ITGAE: variants seen among roughly 807,000 people sequenced by gnomAD.
ITGAE encodes the protein integrin subunit alpha E.
In ITGAE, 99 loss-of-function variants were observed where a neutral mutation model predicts 136.5. The ratio of observed to expected loss-of-function variants is 0.73; its 90% CI spans 0.62 to 0.86. The LOEUF is 0.86. ITGAE is among the 40% of genes least tolerant of loss of function. ITGAE has a pLI of 0.00. For missense variants in ITGAE, 1,447 were observed against 1,515.3 expected (o/e 0.95, Z 0.75); for synonymous variants, 613 against 591.8 (o/e 1.04, Z -0.52).
chr17:3,757,741 G>A lies in ITGAE; in HGVS notation c.985C>T (p.Pro329Ser). 6.2e-7 allele frequency: 1 copy of A among 1,614,118 alleles called. No homozygotes were observed. The highest frequency in any genetic ancestry group is 8.5e-7 in the Non-Finnish European group (1 of 1,180,034). The change falls in exon 9 of 31, where the codon CCC (proline) becomes TCC (serine). Residue 329 changes from proline (P) to serine (S), a missense_variant. Pro to Ser is a moderately conservative substitution (Grantham distance 74, BLOSUM62 -1). Around this residue, in one of 3 missense-constraint regions of ITGAE, gnomAD observed 310 missense variants for 416.1 expected, o/e 0.74. Transcript: ENST00000263087. ...PLNLTTVINS[P>S]KMQGVERFAI... ...AAGCGCTCAACACCCTGCATTTTGG[G>A]GGAGTTGATGACTGTCGTAAGGTTG...
At chr17:3,748,574 A>G (rs112727557) in intron 16 of ITGAE, among the ~76,000 whole-genome samples, 3,083 of 152,234 alleles carry the variant, frequency 0.02, 86 homozygotes, top group South Asian at 0.061. Context: ...GTGACAGAGC[A>G]AGACTCCATC....
At chr17:3,780,621 C>T (rs558388761) in intron 1 of ITGAE, among the ~76,000 whole-genome samples, 38 of 151,874 alleles carry the variant, frequency 2.5e-4, no homozygotes, top group African/African-American at 8.7e-4. Context: ...TCAGTAGAGA[C>T]GGAGTTTCTC....
At chr17:3,788,694 A>ATTAAAAATAATAATTAAAATAATTAT (rs2052857878) in intron 1 of ITGAE, among the ~76,000 whole-genome samples, 2 of 60,796 alleles carry the variant, frequency 3.3e-5, no homozygotes, top group Non-Finnish European at 6.2e-5. Flanking sequence ...AAAAGTCTAC[A>ATTAAAAATAATAATTAAAATAATTAT]TTAAAAATAA....
rs73974115 is a variant in ITGAE, at chr17:3,723,086, C to T, written c.3237+202G>A. Among the ~76,000 whole-genome samples the T allele has an allele frequency of 2.8e-3, 424 of 152,286 alleles. 4 individuals are homozygous for T. The highest frequency in any genetic ancestry group is 9.6e-3 in the African/African-American group (399 of 41,542). ...AGGAAAGAGGAGTCACAGGTAATCC[C>T]TCGAGTTCCTTGTACTGTAACTGGA... On this transcript the variant is annotated intron_variant, in intron 28 of 30. Coordinates refer to ENST00000263087, the MANE Select transcript of ITGAE (RefSeq NM_002208.5).
chr17:3,725,155 C>T (rs761869674), intron 26 of ITGAE: 1 of 1,614,186 alleles, frequency 6.2e-7, no homozygotes, highest in South Asian at 1.1e-5. Context: ...AGCATCTATA[C>T]CACTGCCACT....
chr17:3,717,153 C>CT (rs2050958983), intron 29 of ITGAE: 3 of 201,076 alleles, frequency 1.5e-5, no homozygotes, highest in Non-Finnish European at 1.0e-5. Context: ...CTACACTGCT[C>CT]TATGTCCCTG....
chr17:3,751,133 A>G (rs2051854877), intron 15 of ITGAE, among the ~76,000 whole-genome samples: 1 of 151,970 alleles, frequency 6.6e-6, no homozygotes, highest in South Asian at 2.1e-4. Context: ...TAGGGGAAGC[A>G]GGTGCTCTCA....
At chr17:3,765,535 T>G (rs1420563084) in intron 2 of ITGAE, among the ~76,000 whole-genome samples, 1 of 151,982 alleles carries the variant, frequency 6.6e-6, no homozygotes, top group African/African-American at 2.4e-5. Flanking sequence ...TAAGAAAGTC[T>G]GCACCTGTGC....
chr17:3,795,259 T>C (rs1161445484), intron 1 of ITGAE, among the ~76,000 whole-genome samples: 4 of 152,202 alleles, frequency 2.6e-5, no homozygotes, highest in Non-Finnish European at 4.4e-5. Context: ...TGAACTGTGA[T>C]GTGATCTGAG....
In ITGAE at chr17:3,755,175, G is replaced by C. The variant is rs752518999; in HGVS notation, c.1326C>G (p.Phe442Leu). Residue 442 changes from phenylalanine to leucine, a missense_variant, in exon 12 of 31, where the codon TTC (phenylalanine) becomes TTG (leucine). Transcript: ENST00000263087. ...LYDTRSRRGR[F>L]LNQTAAAAAD... ...CCGCCGCCGCCGCTGTCTGGTTCAG[G>C]AAGCGGCCCCGGCGGCTGCGTGTGT... 6.4e-7 allele frequency: 1 copy of C among 1,571,606 alleles called. No individual in the cohort carries two copies. Among genetic ancestry groups the C allele is most frequent in the South Asian group, 1.1e-5 (1 of 88,080 alleles).
intron 29 of ITGAE, among the ~76,000 whole-genome samples, chr17:3,719,128 C>G (rs1440672926): frequency 6.7e-6 from 1 of 149,604 alleles, no homozygotes; most frequent in Admixed American, 6.7e-5. Context: ...CCCAGCTACT[C>G]GGGAGGCTGA....
chr17:3,751,543 G>A (rs1192668521), intron 15 of ITGAE, 107 bp downstream of exon 15: 17 of 1,005,878 alleles, frequency 1.7e-5, no homozygotes, highest in Middle Eastern at 6.3e-4. Context: ...CCCAACCCCC[G>A]AGACCTGCCC....
intron 1 of ITGAE, among the ~76,000 whole-genome samples, chr17:3,780,176 T>C (rs1280316163): frequency 2.7e-5 from 4 of 150,640 alleles, no homozygotes; most frequent in Non-Finnish European, 5.9e-5. Flanking sequence ...TATTTGTTTT[T>C]TTTTTTTTTT....
At chr17:3,734,287 A>G (rs892451017) in intron 21 of ITGAE, among the ~76,000 whole-genome samples, 11 of 151,830 alleles carry the variant, frequency 7.2e-5, no homozygotes, top group African/African-American at 1.9e-4. Context: ...GTTAGCCAGG[A>G]TGGTCTCGAT....
intron 23 of ITGAE, among the ~76,000 whole-genome samples, chr17:3,730,093 A>C (rs2051306103): frequency 1.3e-5 from 2 of 151,860 alleles, no homozygotes; most frequent in Non-Finnish European, 1.5e-5. Flanking sequence ...CCCTGTGTCC[A>C]TGTGCTCTCA....
intron 1 of ITGAE, among the ~76,000 whole-genome samples, chr17:3,779,716 G>A (rs1208844662): frequency 6.6e-6 from 1 of 152,196 alleles, no homozygotes; most frequent in Non-Finnish European, 1.5e-5. Context: ...ACTCAAAAGT[G>A]TTGACAATTG....
At chr17:3,789,561 T>A (rs1243761676) in intron 1 of ITGAE, among the ~76,000 whole-genome samples, 1 of 149,598 alleles carries the variant, frequency 6.7e-6, no homozygotes, top group Non-Finnish European at 1.5e-5. Flanking sequence ...AGTGCAGTGG[T>A]GCAATCTCGG....
chr17:3,731,093 G>A lies in ITGAE; in HGVS notation c.2834+11C>T. ...ATAGCCTGACTCTGCTGTGACCCAG[G>A]CAGTACTTACTTGGTGACAGTCACA... On this transcript the variant is annotated intron_variant, in intron 23 of 30. Coordinates refer to ENST00000263087, the MANE Select transcript of ITGAE (RefSeq NM_002208.5). 1 of 1,607,692 alleles carries A rather than the reference G, an allele frequency of 6.2e-7. No homozygotes were observed. The highest frequency in any genetic ancestry group is 8.5e-7 in the Non-Finnish European group (1 of 1,174,376).
Position 3,787,925 on chromosome 17 carries a change from G to A in ITGAE, c.35-10265C>T, listed in dbSNP as rs140559010. ...GCTGCTCTCGAACTCCTGACCTCAGGTGATCCACCCGTCTTGGCCTCCCAA... is the reference window on the plus strand; with the variant it reads ...GCTGCTCTCGAACTCCTGACCTCAGATGATCCACCCGTCTTGGCCTCCCAA... On this transcript the variant is annotated intron_variant, in intron 1 of 30. Coordinates refer to ENST00000263087, the MANE Select transcript of ITGAE (RefSeq NM_002208.5). Among the ~76,000 whole-genome samples the A allele has an allele frequency of 2.8e-4, 42 of 152,250 alleles. 1 individual carries two copies. The East Asian group carries it at 7.9e-3, about 29-fold the overall frequency.
Sources: allele counts gnomAD v4.1 joint callset (sites outside exome capture counted in the v4.1 genomes callset), GRCh38; gene constraint gnomAD v4.1.1; regional missense constraint gnomAD v4.1.1; transcripts MANE v1.5; gene names NCBI Gene and HGNC (gene_info 2026-07-23, HGNC 2026-07-21).